Variants in TBC1D4 observed in about 807,000 individuals in gnomAD.
TBC1D4 encodes the protein TBC (Tre-2, BUB2, CDC16) domain-containing protein.
Under a neutral mutation model 142.5 loss-of-function variants are expected in TBC1D4, and 121 were observed. The ratio of observed to expected loss-of-function variants is 0.85; its 90% CI spans 0.73 to 0.99. The LOEUF (loss-of-function observed/expected upper bound fraction) is 0.99, where lower values mean the gene tolerates loss of function less well. Among genes scored for constraint, TBC1D4 ranks in the 50% least tolerant of loss-of-function variants. TBC1D4 has a pLI of 0.00. For missense variants in TBC1D4, 1,475 were observed against 1,606.6 expected (o/e 0.92, Z 1.40); for synonymous variants, 630 against 628.2 (o/e 1.00, Z -0.04).
chr13:75,432,812 C>G (rs1272692101), intron 1 of TBC1D4, among the ~76,000 whole-genome samples: 2 of 151,702 alleles, frequency 1.3e-5, no homozygotes, highest in South Asian at 2.1e-4. Context: ...ATGCAGCCAG[C>G]AAGAAGTGGC....
intron 16 of TBC1D4, among the ~76,000 whole-genome samples, chr13:75,301,433 A>G (rs1049520205): frequency 6.6e-6 from 1 of 152,082 alleles, no homozygotes; most frequent in Non-Finnish European, 1.5e-5. Context: ...CGAGGTCAGG[A>G]GATTGAGACC....
chr13:75,475,817 G>A (rs1888609150), intron 1 of TBC1D4, among the ~76,000 whole-genome samples: 1 of 152,176 alleles, frequency 6.6e-6, no homozygotes, highest in Non-Finnish European at 1.5e-5. Context: ...TATATGGGTT[G>A]CGTATCACTT....
chr13:75,481,956 CG>C lies in TBC1D4; in HGVS notation c.-190del. ...ATGCAGCACTTCCACGGGCGCGGCTCGGAGGCTCCGGCGGCGGGCACCGAGG... is the reference window on the plus strand; with the variant it reads ...ATGCAGCACTTCCACGGGCGCGGCTCGAGGCTCCGGCGGCGGGCACCGAGG... On this transcript the variant is annotated 5_prime_UTR_variant, in exon 1 of 21. Coordinates refer to ENST00000377636, the MANE Select transcript of TBC1D4 (RefSeq NM_014832.5). The C allele has an allele frequency of 2.4e-6, 2 of 816,950 alleles. No individual in the cohort carries two copies. Among genetic ancestry groups the C allele is most frequent in the Non-Finnish European group, 3.3e-6 (2 of 608,270 alleles). 50.6% of individuals were successfully genotyped at this position (816,950 alleles called of 1,614,324 possible). A position where few individuals can be genotyped will look rare whatever the true frequency, so the allele number is the denominator to read the frequency against.
At chr13:75,366,131 A>G (rs907933201) in intron 1 of TBC1D4, among the ~76,000 whole-genome samples, 2 of 152,218 alleles carry the variant, frequency 1.3e-5, no homozygotes, top group African/African-American at 4.8e-5. Context: ...TACAACCCAC[A>G]GAGCCTAATG....
intron 1 of TBC1D4, among the ~76,000 whole-genome samples, chr13:75,456,865 A>G (rs1269556325): frequency 6.6e-6 from 1 of 151,798 alleles, no homozygotes; most frequent in Non-Finnish European, 1.5e-5. Context: ...ACCTTTATTC[A>G]TATTAATCAC....
chr13:75,340,818 T>A (rs1880624658), intron 7 of TBC1D4, among the ~76,000 whole-genome samples: 1 of 152,070 alleles, frequency 6.6e-6, no homozygotes, highest in African/African-American at 2.4e-5. Context: ...TGGTGGTGCA[T>A]GCCTGTAGTC....
At chr13:75,323,299 T>C (rs973487244) in intron 11 of TBC1D4, among the ~76,000 whole-genome samples, 1 of 151,988 alleles carries the variant, frequency 6.6e-6, no homozygotes, top group Non-Finnish European at 1.5e-5. Flanking sequence ...TAAAATGTAA[T>C]GTATGAAATG....
chr13:75,464,813 G>A (rs1253154026), intron 1 of TBC1D4, among the ~76,000 whole-genome samples: 2 of 152,244 alleles, frequency 1.3e-5, no homozygotes, highest in Non-Finnish European at 2.9e-5. Flanking sequence ...CCTACTGGCT[G>A]AGAGACAGAA....
At chr13:75,469,701 G>C (rs1356353028) in intron 1 of TBC1D4, among the ~76,000 whole-genome samples, 3 of 152,116 alleles carry the variant, frequency 2.0e-5, no homozygotes, top group African/African-American at 7.2e-5. Flanking sequence ...CTTGAGCCCA[G>C]AAAGTCAAGG....
intron 1 of TBC1D4, among the ~76,000 whole-genome samples, chr13:75,364,869 T>C (rs1265766147): frequency 1.3e-5 from 2 of 152,250 alleles, no homozygotes; most frequent in African/African-American, 4.8e-5. Context: ...ATATAGCCTG[T>C]AGCACTGATT....
chr13:75,410,193 T>G (rs2138393906), intron 1 of TBC1D4, among the ~76,000 whole-genome samples: 1 of 152,314 alleles, frequency 6.6e-6, no homozygotes, highest in East Asian at 1.9e-4. Flanking sequence ...TATATTCACA[T>G]CACGTCCTCT....
chr13:75,481,851 G>T lies in TBC1D4; in HGVS notation c.-84C>A. On this transcript the variant is annotated 5_prime_UTR_variant, in exon 1 of 21. Coordinates refer to ENST00000377636, the MANE Select transcript of TBC1D4 (RefSeq NM_014832.5). ...CCGCGCAGAAGGCGCCGCCGAAACT[G>T]TGCCAACTGCCGCACCGGGCTCCCG... 7.2e-7 allele frequency: 1 copy of T among 1,394,280 alleles called. No individual in the cohort carries two copies. The highest frequency in any genetic ancestry group is 2.9e-5 in the East Asian group (1 of 34,990). The allele number at this position is 1,394,280 out of a possible 1,614,324, so 86.4% of individuals were successfully genotyped here.
At chr13:75,381,738 G>A (rs562632847) in intron 1 of TBC1D4, among the ~76,000 whole-genome samples, 28 of 152,296 alleles carry the variant, frequency 1.8e-4, no homozygotes, top group African/African-American at 6.7e-4. Context: ...AACACCAGAG[G>A]CCCTAAGTAT....
intron 5 of TBC1D4, among the ~76,000 whole-genome samples, chr13:75,342,964 T>C (rs1174434936): frequency 1.3e-5 from 2 of 152,158 alleles, no homozygotes; most frequent in Non-Finnish European, 2.9e-5. Flanking sequence ...TATGACATAA[T>C]TTGAATGTTT....
At position 75,285,586 on chromosome 13, in the gene TBC1D4, T is replaced by C. The variant is rs899462681; in HGVS notation, c.*1206A>G. The C allele has an allele frequency of 5.2e-5, 8 of 152,678 alleles. No homozygotes were observed. The highest frequency in any genetic ancestry group is 1.0e-4 in the Non-Finnish European group (7 of 68,040). The allele number at this position is 152,678 out of a possible 1,614,324, so 9.5% of individuals were successfully genotyped here. A position where few individuals can be genotyped will look rare whatever the true frequency, so the allele number is the denominator to read the frequency against. Reference sequence around the variant, plus strand: ...GGAAGTGAAGAGTTGAAATGCAGAATTGCAGGTTTTAGTTGAGCTGGTAAC... The same window carrying C: ...GGAAGTGAAGAGTTGAAATGCAGAACTGCAGGTTTTAGTTGAGCTGGTAAC... On this transcript the variant is annotated 3_prime_UTR_variant, in exon 21 of 21. Coordinates refer to ENST00000377636, the MANE Select transcript of TBC1D4 (RefSeq NM_014832.5).
intron 7 of TBC1D4, among the ~76,000 whole-genome samples, chr13:75,337,770 C>T (rs1226643446): frequency 1.3e-5 from 2 of 152,124 alleles, no homozygotes; most frequent in Non-Finnish European, 2.9e-5. Context: ...AAAGAATACA[C>T]AGGATTCAGA....
intron 1 of TBC1D4, among the ~76,000 whole-genome samples, chr13:75,469,855 G>A (rs7318664): frequency 0.067 from 10,152 of 152,180 alleles, 384 homozygotes; most frequent in Admixed American, 0.11. Context: ...TGAAAAAGTA[G>A]GATTCAAATA....
chr13:75,324,601 A>G (rs577118846), intron 10 of TBC1D4, among the ~76,000 whole-genome samples, 200 bp from the exon 11 acceptor site: 1 of 152,296 alleles, frequency 6.6e-6, no homozygotes, highest in South Asian at 2.1e-4. Context: ...TCATTCCTTT[A>G]CAATTTGAAT....
intron 1 of TBC1D4, among the ~76,000 whole-genome samples, chr13:75,414,037 G>A (rs1423701941): frequency 1.3e-5 from 2 of 152,176 alleles, no homozygotes; most frequent in African/African-American, 4.8e-5. Flanking sequence ...TTGGAGTGAT[G>A]TACAGTGATC....
Sources: gnomAD v4.1 joint callset for allele counts (sites outside exome capture counted in the v4.1 genomes callset) on GRCh38, gnomAD v4.1.1 for gene constraint, MANE v1.5 for transcripts, NCBI Gene and HGNC (gene_info 2026-07-23, HGNC 2026-07-21) for gene names.